Variants in MAGI1 observed in about 807,000 individuals in gnomAD.
MAGI1 encodes the protein membrane-associated guanylate kinase, WW and PDZ domain-containing protein 1.
MAGI1 carries 58 observed loss-of-function variants against 139.9 expected under a neutral mutation model. The ratio of observed to expected loss-of-function variants is 0.41; its 90% CI spans 0.34 to 0.52. The LOEUF is 0.52. Ranked by LOEUF, MAGI1 falls within the 20% of genes least tolerant of loss-of-function variation. The probability of loss-of-function intolerance (pLI) is 0.12; values close to 1 mark genes in which losing one functional copy is unlikely to be tolerated. For missense variants in MAGI1, 1,874 were observed against 1,901.6 expected (o/e 0.99, Z 0.27); for synonymous variants, 812 against 737.9 (o/e 1.10, Z -1.63).
At chr3:65,540,845 C>A (rs945498747) in intron 2 of MAGI1, among the ~76,000 whole-genome samples, 1 of 152,148 alleles carries the variant, frequency 6.6e-6, no homozygotes, top group Non-Finnish European at 1.5e-5. Flanking sequence ...AATATAATAA[C>A]CAGTCTGCTG....
At chr3:65,819,954 G>A (rs1252924254) in intron 1 of MAGI1, among the ~76,000 whole-genome samples, 1 of 134,396 alleles carries the variant, frequency 7.4e-6, no homozygotes, top group Non-Finnish European at 1.6e-5. Flanking sequence ...TTCAGAAATT[G>A]CTAAGCAGAA....
intron 2 of MAGI1, among the ~76,000 whole-genome samples, chr3:65,519,134 G>T (rs1038981116): frequency 3.3e-5 from 5 of 152,264 alleles, no homozygotes; most frequent in East Asian, 3.9e-4. Flanking sequence ...AGTGGGTGGG[G>T]TAAGAGAAAG....
intron 2 of MAGI1, among the ~76,000 whole-genome samples, chr3:65,561,994 T>C (rs2080374871): frequency 6.6e-6 from 1 of 152,374 alleles, no homozygotes; most frequent in South Asian, 2.1e-4. Flanking sequence ...CATGTATTTA[T>C]TCACAATAAA....
At chr3:65,990,716 G>A (rs1193981262) in intron 1 of MAGI1, among the ~76,000 whole-genome samples, 1 of 152,176 alleles carries the variant, frequency 6.6e-6, no homozygotes, top group Non-Finnish European at 1.5e-5. Flanking sequence ...ATAGGCCATT[G>A]TGCAGAAGAA....
chr3:65,356,785 C>T lies in MAGI1; in HGVS notation c.3982G>A (p.Glu1328Lys). ...GTGTTGTCGGCGCTGCGGGTGCCCTCCCTCCGCTTCTCTGGGGACCGCCTC... is the reference window on the plus strand; with the variant it reads ...GTGTTGTCGGCGCTGCGGGTGCCCTTCCTCCGCTTCTCTGGGGACCGCCTC... The part of the protein sequence containing the change: ...PKRRSPEKRR[E>K]GTRSADNTLE... The change falls in exon 23 of 23, where the codon GAG becomes AAG. Residue 1328 changes from glutamate to lysine, a missense_variant. Glu to Lys is a moderately conservative substitution (Grantham distance 56). Around this residue, in one of 5 missense-constraint regions of MAGI1, gnomAD observed 653 missense variants for 644.5 expected, o/e 1.01. Coordinates refer to ENST00000402939, the MANE Select transcript of MAGI1 (RefSeq NM_001033057.2). The T allele has an allele frequency of 1.2e-6, 2 of 1,609,254 alleles. No individual in the cohort carries two copies. Among genetic ancestry groups the T allele is most frequent in the Non-Finnish European group, 1.7e-6 (2 of 1,177,524 alleles).
intron 18 of MAGI1, among the ~76,000 whole-genome samples, chr3:65,373,352 G>C (rs1458690688): frequency 1.3e-5 from 2 of 152,004 alleles, no homozygotes; most frequent in Non-Finnish European, 2.9e-5. Context: ...ATCTTATGTG[G>C]GTATGGTTTG....
chr3:65,403,780 T>C (rs1320070216), intron 12 of MAGI1, among the ~76,000 whole-genome samples: 1 of 152,204 alleles, frequency 6.6e-6, no homozygotes, highest in Non-Finnish European at 1.5e-5. Flanking sequence ...AAGAGCTTCA[T>C]ATATAAAATA....
chr3:65,804,222 T>C (rs999413129), intron 1 of MAGI1, among the ~76,000 whole-genome samples: 1 of 151,686 alleles, frequency 6.6e-6, no homozygotes, highest in African/African-American at 2.4e-5. Context: ...AATAAGAACA[T>C]TCTAAAGAAT....
intron 2 of MAGI1, among the ~76,000 whole-genome samples, chr3:65,521,267 T>C (rs1164190242): frequency 6.6e-6 from 1 of 152,218 alleles, no homozygotes; most frequent in Non-Finnish European, 1.5e-5. Flanking sequence ...AAACTCTTTC[T>C]ATGGCCTTTA....
At chr3:65,894,735 C>T (rs966416697) in intron 1 of MAGI1, among the ~76,000 whole-genome samples, 1 of 152,190 alleles carries the variant, frequency 6.6e-6, no homozygotes, top group East Asian at 1.9e-4. Flanking sequence ...AGCCAATGAG[C>T]TACAAACTCC....
At chr3:65,731,926 G>A (rs1416871965) in intron 1 of MAGI1, among the ~76,000 whole-genome samples, 1 of 152,110 alleles carries the variant, frequency 6.6e-6, no homozygotes, top group Non-Finnish European at 1.5e-5. Flanking sequence ...AGAAACTGTT[G>A]TGTACAATAT....
At chr3:65,647,562 G>A in intron 1 of MAGI1, among the ~76,000 whole-genome samples, 1 of 152,148 alleles carries the variant, frequency 6.6e-6, no homozygotes, top group Non-Finnish European at 1.5e-5. Context: ...CTATGACCAA[G>A]TGGGGTGATT....
intron 12 of MAGI1, among the ~76,000 whole-genome samples, chr3:65,408,879 T>C (rs1196093303): frequency 6.6e-5 from 10 of 152,180 alleles, no homozygotes; most frequent in Non-Finnish European, 1.2e-4. Context: ...AATAAAGCAA[T>C]GGGCAAGACC....
chr3:65,704,895 A>T (rs1398823986), intron 1 of MAGI1, among the ~76,000 whole-genome samples: 2 of 151,848 alleles, frequency 1.3e-5, no homozygotes, highest in Non-Finnish European at 2.9e-5. Flanking sequence ...CCTTCCCAAT[A>T]ATCCCTATTT....
chr3:65,379,560 G>A lies in MAGI1; in HGVS notation c.2702-6C>T. The A allele has an allele frequency of 1.9e-6, 3 of 1,602,508 alleles. No individual in the cohort carries two copies. The highest frequency in any genetic ancestry group is 2.6e-6 in the Non-Finnish European group (3 of 1,170,952). ...CTCGTTCTCGGTTTTGGGCACTGTA[G>A]CAGAGAGATGCACGCGTACATCACC... On this transcript the variant is annotated splice_polypyrimidine_tract_variant and splice_region_variant and intron_variant, in intron 16 of 22. Coordinates refer to ENST00000402939, the MANE Select transcript of MAGI1 (RefSeq NM_001033057.2).
At chr3:65,790,728 C>CG (rs1360119039) in intron 1 of MAGI1, among the ~76,000 whole-genome samples, 1 of 152,154 alleles carries the variant, frequency 6.6e-6, no homozygotes. Flanking sequence ...CTCAGCCTCG[C>CG]GGGGGAACAT....
chr3:65,961,257 G>C (rs1385527979), intron 1 of MAGI1, among the ~76,000 whole-genome samples: 2 of 152,154 alleles, frequency 1.3e-5, no homozygotes, highest in African/African-American at 4.8e-5. Context: ...CGAAGAATTA[G>C]TCAACACAAA....
rs1355310402 is a variant in MAGI1, at chr3:65,470,437, G to C, written c.805C>G (p.Pro269Ala). ...EEHTLQETAL[P>A]PVNSSIIAAP... Reference sequence around the variant, plus strand: ...GCGATGATGCTACTATTCACAGGTGGTAATGCTGTTTCTTGGAGAGTGTGC... The same window carrying C: ...GCGATGATGCTACTATTCACAGGTGCTAATGCTGTTTCTTGGAGAGTGTGC... The change falls in exon 5 of 23, where the codon CCA (proline) becomes GCA (alanine). Residue 269 changes from proline to alanine, a missense_variant. Physicochemically the swap from Pro to Ala is conservative, Grantham distance 27. This residue lies in a region of MAGI1 where 648 missense variants were observed against 598.1 expected (regional missense o/e 1.08). Transcript: ENST00000402939. 1 of 1,613,404 alleles carries C rather than the reference G, an allele frequency of 6.2e-7. No individual in the cohort carries two copies. Among genetic ancestry groups the C allele is most frequent in the Non-Finnish European group, 8.5e-7 (1 of 1,179,864 alleles).
intron 1 of MAGI1, among the ~76,000 whole-genome samples, chr3:65,992,254 C>A (rs1162268104): frequency 6.6e-6 from 1 of 152,164 alleles, no homozygotes; most frequent in South Asian, 2.1e-4. Flanking sequence ...TGTCAGCTCT[C>A]CCTTTCTTGA....
Sources: allele counts gnomAD v4.1 joint callset (sites outside exome capture counted in the v4.1 genomes callset), GRCh38; gene constraint gnomAD v4.1.1; regional missense constraint gnomAD v4.1.1; transcripts MANE v1.5; gene names NCBI Gene and HGNC (gene_info 2026-07-23, HGNC 2026-07-21).